FSIP1: variants seen among roughly 807,000 people sequenced by gnomAD.
FSIP1 encodes fibrous sheath interacting protein 1.
In FSIP1, 65 loss-of-function variants were observed where a neutral mutation model predicts 60.9. The observed-to-expected ratio is 1.07, with a 90% confidence interval of 0.87 to 1.31. The LOEUF (loss-of-function observed/expected upper bound fraction) is 1.31, where lower values mean the gene tolerates loss of function less well. Ranked by LOEUF, FSIP1 falls within the 40% of genes most tolerant of loss-of-function variation. The probability of loss-of-function intolerance (pLI) is 0.00; values close to 1 mark genes in which losing one functional copy is unlikely to be tolerated. For missense variants in FSIP1, 675 were observed against 665.5 expected (o/e 1.01, Z -0.16); for synonymous variants, 209 against 221.2 (o/e 0.94, Z 0.49).
chr15:39,704,998 A>G (rs556468096), intron 10 of FSIP1, among the ~76,000 whole-genome samples: 1 of 152,364 alleles, frequency 6.6e-6, no homozygotes, highest in African/African-American at 2.4e-5. Flanking sequence ...GTGGATAGAA[A>G]TAGTAGAGAC....
At chr15:39,603,252 G>T (rs1219627439) in intron 11 of FSIP1, among the ~76,000 whole-genome samples, 2 of 152,202 alleles carry the variant, frequency 1.3e-5, no homozygotes, top group African/African-American at 4.8e-5. Context: ...TGAATAGCAT[G>T]GAGCCTTGGG....
intron 6 of FSIP1, among the ~76,000 whole-genome samples, 159 bp downstream of exon 6, chr15:39,741,646 C>T (rs929209076): frequency 1.3e-5 from 2 of 152,224 alleles, no homozygotes; most frequent in African/African-American, 4.8e-5. Flanking sequence ...CTCTCAACAA[C>T]TAGCTGCAAC....
intron 5 of FSIP1, among the ~76,000 whole-genome samples, chr15:39,743,472 T>G (rs539358630): frequency 1.1e-4 from 17 of 152,332 alleles, no homozygotes; most frequent in Admixed American, 3.3e-4. Context: ...CATCTCCCTT[T>G]AGAAAATTCT....
At chr15:39,657,235 G>T (rs1893105944) in intron 10 of FSIP1, among the ~76,000 whole-genome samples, 1 of 152,146 alleles carries the variant, frequency 6.6e-6, no homozygotes, top group Non-Finnish European at 1.5e-5. Context: ...ATCCAGCTCA[G>T]GATCAATAGA....
chr15:39,733,509 T>C (rs1230134796), intron 8 of FSIP1, among the ~76,000 whole-genome samples: 1 of 152,210 alleles, frequency 6.6e-6, no homozygotes, highest in African/African-American at 2.4e-5. Flanking sequence ...AGAGGTCCTA[T>C]AGCCACCTGT....
intron 5 of FSIP1, among the ~76,000 whole-genome samples, chr15:39,744,482 G>A (rs1412418966): frequency 6.6e-6 from 1 of 152,146 alleles, no homozygotes; most frequent in Non-Finnish European, 1.5e-5. Flanking sequence ...TGAGTTTAGA[G>A]TAGACACAAG....
intron 11 of FSIP1, among the ~76,000 whole-genome samples, chr15:39,603,354 T>C (rs934411689): frequency 2.0e-5 from 3 of 152,260 alleles, no homozygotes; most frequent in African/African-American, 7.2e-5. Context: ...CCCTAGAAAT[T>C]GACTTAATTC....
intron 8 of FSIP1, among the ~76,000 whole-genome samples, chr15:39,729,884 T>C (rs1045649031): frequency 6.6e-6 from 1 of 152,112 alleles, no homozygotes; most frequent in Non-Finnish European, 1.5e-5. Flanking sequence ...TGGGGCCTAC[T>C]TGAGGGCAGA....
In FSIP1 at chr15:39,694,436, C is replaced by T. The variant is rs138647588; in HGVS notation, c.1188+19008G>A. 3.5e-3 allele frequency among the ~76,000 whole-genome samples: 530 copies of T among 152,270 alleles called. 2 individuals carry two copies. The highest frequency in any genetic ancestry group is 0.012 in the African/African-American group (506 of 41,560). On this transcript the variant is annotated intron_variant, in intron 10 of 11. Coordinates refer to ENST00000350221, the MANE Select transcript of FSIP1 (RefSeq NM_152597.5). ...ACTTTTAAAAGACTCAAATTATATACACAAAATCCTCAGTCACTATGTAAG... is the reference window on the plus strand; with the variant it reads ...ACTTTTAAAAGACTCAAATTATATATACAAAATCCTCAGTCACTATGTAAG...
chr15:39,643,607 T>C (rs1892465416), intron 10 of FSIP1, among the ~76,000 whole-genome samples: 1 of 152,222 alleles, frequency 6.6e-6, no homozygotes, highest in African/African-American at 2.4e-5. Flanking sequence ...TGGTTAATAC[T>C]TGTGAGTCTC....
chr15:39,638,801 TGCGTGTGTGGGTGCATGTGTGTGTGC>T (rs1295229835), intron 10 of FSIP1, among the ~76,000 whole-genome samples: 1 of 148,994 alleles, frequency 6.7e-6, no homozygotes, highest in Non-Finnish European at 1.5e-5. Flanking sequence ...CACATGTGGG[TGCGTGTGTGGGTGCATGTGTGTGTGC>T]GCGTGTGTGT....
chr15:39,665,133 A>G (rs918787846), intron 10 of FSIP1, among the ~76,000 whole-genome samples: 20 of 152,198 alleles, frequency 1.3e-4, no homozygotes, highest in Non-Finnish European at 1.5e-4. Context: ...CATCCAGGGA[A>G]AATTAATTAC....
At chr15:39,638,099 A>G (rs1892210126) in intron 10 of FSIP1, among the ~76,000 whole-genome samples, 1 of 152,222 alleles carries the variant, frequency 6.6e-6, no homozygotes, top group African/African-American at 2.4e-5. Context: ...TCTGCCCTCA[A>G]TAAGGCTGAT....
chr15:39,730,090 T>C (rs974467662), intron 8 of FSIP1, among the ~76,000 whole-genome samples: 4 of 151,182 alleles, frequency 2.6e-5, no homozygotes, highest in African/African-American at 9.7e-5. Context: ...ATAAACTTTG[T>C]TGTGGCCTTA....
chr15:39,720,058 C>T (rs1895894341), intron 9 of FSIP1, among the ~76,000 whole-genome samples: 1 of 152,142 alleles, frequency 6.6e-6, no homozygotes, highest in African/African-American at 2.4e-5. Context: ...TTAAAAAATC[C>T]TAAATTCCTG....
downstream of FSIP1, chr15:39,597,572 G>A (rs1034707676): frequency 2.6e-5 from 4 of 152,068 alleles, no homozygotes; most frequent in Non-Finnish European, 4.4e-5. Context: ...ATAAATTACA[G>A]TAAGTCATAG....
In FSIP1 at chr15:39,618,128, C is replaced by T; in HGVS notation, c.1306G>A (p.Asp436Asn). 6.2e-7 allele frequency: 1 copy of T among 1,614,136 alleles called. No homozygotes were observed. The highest frequency in any genetic ancestry group is 8.5e-7 in the Non-Finnish European group (1 of 1,180,018). The change falls in exon 11 of 12, where the codon GAC (aspartate) becomes AAC (asparagine). Residue 436 changes from aspartate to asparagine, a missense_variant. Physicochemically the swap from Asp to Asn is conservative, Grantham distance 23. Transcript: ENST00000350221. ...AGCTGGGGGAACACAGGTGTTACGT[C>T]CTCAATGTCTTCCTTTTTTCTTTCT... ...SSERKKEDIE[D>N]VTPVFPQLSR...
At chr15:39,694,618 T>C (rs1196299037) in intron 10 of FSIP1, among the ~76,000 whole-genome samples, 1 of 151,936 alleles carries the variant, frequency 6.6e-6, no homozygotes, top group Non-Finnish European at 1.5e-5. Context: ...CTGGCCAACA[T>C]GGGGAACGCC....
intron 10 of FSIP1, among the ~76,000 whole-genome samples, chr15:39,681,543 T>C (rs755364911): frequency 6.6e-6 from 1 of 152,170 alleles, no homozygotes; most frequent in Non-Finnish European, 1.5e-5. Context: ...AATGTAATTA[T>C]AGAGATAAAA....
Sources: allele counts gnomAD v4.1 joint callset (sites outside exome capture counted in the v4.1 genomes callset), GRCh38; gene constraint gnomAD v4.1.1; transcripts MANE v1.5; gene names NCBI Gene and HGNC (gene_info 2026-07-23, HGNC 2026-07-21).